Variants in TXNDC12 observed in about 807,000 individuals in gnomAD.
TXNDC12 encodes the protein thioredoxin domain-containing protein 12.
Under a neutral mutation model 24.2 loss-of-function variants are expected in TXNDC12, and 22 were observed. The ratio of observed to expected loss-of-function variants is 0.91; its 90% CI spans 0.65 to 1.30. TXNDC12 has a LOEUF of 1.30. Among genes scored for constraint, TXNDC12 ranks in the 50% most tolerant of loss-of-function variants. The pLI, the probability that TXNDC12 is intolerant of heterozygous loss-of-function variation, is 0.00. For missense variants in TXNDC12, 184 were observed against 205.8 expected (o/e 0.89, Z 0.65); for synonymous variants, 58 against 73.4 (o/e 0.79, Z 1.07).
At chr1:52,028,966 A>G (rs1211078810) in intron 2 of TXNDC12, among the ~76,000 whole-genome samples, 2 of 152,086 alleles carry the variant, frequency 1.3e-5, no homozygotes, top group Non-Finnish European at 2.9e-5. Flanking sequence ...TGTCTCCACT[A>G]AAAATACAAA....
At chr1:52,033,226 G>A (rs1384461893) in intron 2 of TXNDC12, 5 of 1,614,174 alleles carry the variant, frequency 3.1e-6, no homozygotes, top group Non-Finnish European at 4.2e-6. Flanking sequence ...CGCAGCCCCG[G>A]ATTCTTCTCG....
Position 52,020,778 on chromosome 1 carries a change from G to A in TXNDC12, c.*155C>T, listed in dbSNP as rs2124354152. The A allele has an allele frequency of 3.4e-6, 2 of 594,748 alleles. No homozygotes were observed. The highest frequency in any genetic ancestry group is 3.2e-5 in the Admixed American group (1 of 31,568). 36.8% of individuals were successfully genotyped at this position (594,748 alleles called of 1,614,324 possible). A position where few individuals can be genotyped will look rare whatever the true frequency, so the allele number is the denominator to read the frequency against. ...CAAACATGCAGACCAGCTTCTGTTA[G>A]CAGAACTCTTCCACAGTGAGAGCGC... On this transcript the variant is annotated 3_prime_UTR_variant, in exon 7 of 7. Transcript: ENST00000371626.
At chr1:52,031,661 T>G (rs1685763452) in intron 2 of TXNDC12, among the ~76,000 whole-genome samples, 1 of 152,136 alleles carries the variant, frequency 6.6e-6, no homozygotes, top group Admixed American at 6.5e-5. Flanking sequence ...CAACTAATTT[T>G]TGTACTGTTA....
rs551138461 is a variant in TXNDC12 at position 52,054,947 on chromosome 1, C to T, written c.97+53G>A. Reference sequence around the variant, plus strand: ...GGTGCTAGGGCAAGAAGAGATTATACTGGGATCAGTATAGTAAAGATCAGT... The same window carrying T: ...GGTGCTAGGGCAAGAAGAGATTATATTGGGATCAGTATAGTAAAGATCAGT... On this transcript the variant is annotated intron_variant, in intron 1 of 6. Transcript: ENST00000371626. The T allele has an allele frequency of 6.6e-6, 9 of 1,365,224 alleles. No individual in the cohort carries two copies. In the South Asian group the frequency reaches 9.3e-5, roughly 14 times the overall value. 84.6% of individuals were successfully genotyped at this position (1,365,224 alleles called of 1,614,324 possible).
At chr1:52,022,414 C>T (rs1313343414) in intron 6 of TXNDC12, among the ~76,000 whole-genome samples, 2 of 152,058 alleles carry the variant, frequency 1.3e-5, no homozygotes, top group Non-Finnish European at 2.9e-5. Flanking sequence ...TGCTGGTGCT[C>T]TTCTCTCTCC....
At chr1:52,046,866 A>AAAATAT (rs1229275355) in intron 1 of TXNDC12, among the ~76,000 whole-genome samples, 8 of 30,170 alleles carry the variant, frequency 2.7e-4, no homozygotes, top group Admixed American at 2.3e-3. Flanking sequence ...AAAAAAAAAA[A>AAAATAT]ATATATATAT....
At chr1:52,022,345 A>G (rs1685609722) in intron 6 of TXNDC12, among the ~76,000 whole-genome samples, 1 of 152,172 alleles carries the variant, frequency 6.6e-6, no homozygotes, top group Non-Finnish European at 1.5e-5. Flanking sequence ...CTGTGCTCAA[A>G]GATTAGAGAA....
At chr1:52,055,471 C>T (rs947367162), upstream of TXNDC12, 1 of 236,760 alleles carries the variant, frequency 4.2e-6, no homozygotes, top group Admixed American at 5.2e-5. Flanking sequence ...TCCAGCCCCT[C>T]CCCCCAAGAA....
At chr1:52,024,413 T>A in intron 5 of TXNDC12, 97 bp downstream of exon 5, 1 of 912,920 alleles carries the variant, frequency 1.1e-6, no homozygotes, top group Non-Finnish European at 1.7e-6. Flanking sequence ...TTGTTTGTGG[T>A]CATCCTGGTA....
In TXNDC12 at chr1:52,020,176, C is replaced by T. The variant is rs1010438840; in HGVS notation, c.*757G>A. 5.2e-6 allele frequency: 1 copy of T among 192,672 alleles called. No homozygotes were observed. Among genetic ancestry groups the T allele is most frequent in the Non-Finnish European group, 1.1e-5 (1 of 92,744 alleles). 11.9% of individuals were successfully genotyped at this position (192,672 alleles called of 1,614,324 possible). A position where few individuals can be genotyped will look rare whatever the true frequency, so the allele number is the denominator to read the frequency against. On this transcript the variant is annotated 3_prime_UTR_variant, in exon 7 of 7. Coordinates refer to ENST00000371626, the MANE Select transcript of TXNDC12 (RefSeq NM_015913.4). ...AAAGTTTAATGGTACAATATTTTAT[C>T]TCTTTTTTTGTTAATGCCAGTACAA...
chr1:52,039,656 G>T (rs903405821), intron 2 of TXNDC12, among the ~76,000 whole-genome samples: 1 of 152,140 alleles, frequency 6.6e-6, no homozygotes, highest in African/African-American at 2.4e-5. Context: ...ACTGCGATAC[G>T]CAATACACTG....
chr1:52,051,384 T>C (rs1686198560), intron 1 of TXNDC12, among the ~76,000 whole-genome samples: 1 of 152,118 alleles, frequency 6.6e-6, no homozygotes, highest in Non-Finnish European at 1.5e-5. Context: ...TTTATTTATT[T>C]ATTTTTTTTG....
intron 1 of TXNDC12, 93 bp downstream of exon 1, chr1:52,054,907 G>C: frequency 1.0e-6 from 1 of 965,420 alleles, no homozygotes. Flanking sequence ...CTAAGAGTTA[G>C]AATGGGAGGG....
At chr1:52,042,708 C>T (rs1392758602) in intron 1 of TXNDC12, among the ~76,000 whole-genome samples, 2 of 152,086 alleles carry the variant, frequency 1.3e-5, no homozygotes, top group Admixed American at 6.6e-5. Context: ...CCGCAACCTC[C>T]ACCTCCTGGG....
chr1:52,044,379 G>C (rs553571568), intron 1 of TXNDC12: 1 of 152,210 alleles, frequency 6.6e-6, no homozygotes, highest in Non-Finnish European at 1.5e-5. Flanking sequence ...TTCCACGTGA[G>C]TGGTACCCCC....
chr1:52,055,274 T>C, upstream of TXNDC12: 1 of 587,432 alleles, frequency 1.7e-6, no homozygotes, highest in South Asian at 2.0e-5. Flanking sequence ...CGGGGTCCGG[T>C]TTGGGATGGA....
At chr1:52,032,781 C>A (rs753078607) in intron 2 of TXNDC12, 3 of 1,614,114 alleles carry the variant, frequency 1.9e-6, no homozygotes, top group South Asian at 1.1e-5. Context: ...TTTTAGTGTA[C>A]GAAATAAACT....
intron 6 of TXNDC12, among the ~76,000 whole-genome samples, chr1:52,022,728 C>T (rs549603178): frequency 6.6e-6 from 1 of 150,404 alleles, no homozygotes; most frequent in South Asian, 2.1e-4. Flanking sequence ...GCAACCTCTG[C>T]CTCTCGGGTT....
chr1:52,049,555 C>T (rs1283875662), intron 1 of TXNDC12, among the ~76,000 whole-genome samples: 2 of 152,176 alleles, frequency 1.3e-5, no homozygotes, highest in Admixed American at 6.5e-5. Context: ...CACTGCACTC[C>T]AGCCTAGGCA....
Sources: allele counts gnomAD v4.1 joint callset (sites outside exome capture counted in the v4.1 genomes callset), GRCh38; gene constraint gnomAD v4.1.1; transcripts MANE v1.5; gene names NCBI Gene and HGNC (gene_info 2026-07-23, HGNC 2026-07-21).